ANO3: variants seen among roughly 807,000 people sequenced by gnomAD.
ANO3 encodes anoctamin 3.
A neutral mutation model predicts 144.8 loss-of-function variants in ANO3; 99 were observed. The observed-to-expected ratio is 0.68, with a 90% confidence interval of 0.58 to 0.81. The LOEUF (loss-of-function observed/expected upper bound fraction) is 0.81. Ranked by LOEUF, ANO3 falls within the 30% of genes least tolerant of loss-of-function variation. ANO3 has a pLI of 0.00. For synonymous variants in ANO3, 414 were observed against 392.6 expected, an observed-to-expected ratio of 1.05 and a Z score of -0.64; for missense variants, 905 against 1,202.2, an observed-to-expected ratio of 0.75 and a Z score of 3.66.
intron 17 of ANO3, among the ~76,000 whole-genome samples, chr11:26,612,959 G>T (rs1182837422): frequency 6.6e-6 from 1 of 152,100 alleles, no homozygotes; most frequent in African/African-American, 2.4e-5. Context: ...TGATTAACGA[G>T]TACTTTGAAG....
At chr11:26,232,832 A>G (rs904240921) in intron 1 of ANO3, among the ~76,000 whole-genome samples, 1 of 152,228 alleles carries the variant, frequency 6.6e-6, no homozygotes, top group Non-Finnish European at 1.5e-5. Context: ...AACTATCATC[A>G]GAGTGAACAG....
intron 7 of ANO3, among the ~76,000 whole-genome samples, chr11:26,530,945 C>G (rs896819825): frequency 6.6e-6 from 1 of 152,118 alleles, no homozygotes; most frequent in Admixed American, 6.6e-5. Context: ...TTTCTGAAAT[C>G]TTTTCCACAA....
chr11:26,615,910 G>T (rs376876280), intron 17 of ANO3, among the ~76,000 whole-genome samples: 1 of 151,936 alleles, frequency 6.6e-6, no homozygotes, highest in African/African-American at 2.4e-5. Context: ...TCTATTACCC[G>T]TTCATAAATA....
intron 14 of ANO3, among the ~76,000 whole-genome samples, chr11:26,571,196 C>A (rs111895233): frequency 6.6e-6 from 1 of 151,830 alleles, no homozygotes; most frequent in Non-Finnish European, 1.5e-5. Flanking sequence ...AAAGTTTCTC[C>A]GAAAGGAAAG....
At chr11:26,336,903 G>T (rs1590270829) in intron 1 of ANO3, among the ~76,000 whole-genome samples, 1 of 152,226 alleles carries the variant, frequency 6.6e-6, no homozygotes, top group East Asian at 1.9e-4. Context: ...AAAAATCACT[G>T]GGGGAGATAT....
intron 1 of ANO3, among the ~76,000 whole-genome samples, chr11:26,335,900 T>C (rs1855180410): frequency 6.6e-6 from 1 of 152,162 alleles, no homozygotes; most frequent in South Asian, 2.1e-4. Context: ...ACACAAATAG[T>C]TTTGAATTTT....
chr11:26,643,737 A>T (rs962524785), intron 23 of ANO3, among the ~76,000 whole-genome samples: 2 of 147,624 alleles, frequency 1.4e-5, no homozygotes, highest in Non-Finnish European at 3.0e-5. Context: ...AAAAAAAAAA[A>T]GAAGTGATTA....
chr11:26,629,624 T>G (rs1852707843), intron 18 of ANO3, among the ~76,000 whole-genome samples: 1 of 152,086 alleles, frequency 6.6e-6, no homozygotes, highest in Non-Finnish European at 1.5e-5. Context: ...ACTGTTGAAT[T>G]AAACCTGCTA....
intron 1 of ANO3, among the ~76,000 whole-genome samples, chr11:26,363,917 C>T (rs896775171): frequency 1.3e-5 from 2 of 151,988 alleles, no homozygotes; most frequent in Non-Finnish European, 2.9e-5. Context: ...AAAAGATTGT[C>T]TTTTCAAAGT....
chr11:26,443,816 A>T lies in ANO3; in HGVS notation c.293A>T (p.Asp98Val). ...TCTGTGCTGAGATGTTCATTTGCTG[A>T]CCTCAGCGATTTTTGTTTGGGTAAG... ...NDSVLRCSFA[D>V]LSDFCLALGK... The change falls in exon 3 of 27, where the codon GAC becomes GTC. Residue 98 changes from aspartate to valine, a missense_variant. This residue lies in a region of ANO3 where 174 missense variants were observed against 171.9 expected (regional missense o/e 1.01). Transcript: ENST00000256737. 6.2e-7 allele frequency: 1 copy of T among 1,611,920 alleles called. No homozygotes were observed.
chr11:26,650,523 C>T (rs1853498710), intron 24 of ANO3, among the ~76,000 whole-genome samples: 1 of 152,012 alleles, frequency 6.6e-6, no homozygotes, highest in South Asian at 2.1e-4. Context: ...CCTAGTGATC[C>T]AAAAATATTG....
intron 1 of ANO3, among the ~76,000 whole-genome samples, chr11:26,192,162 T>C (rs1851491235): frequency 6.6e-6 from 1 of 152,232 alleles, no homozygotes; most frequent in Non-Finnish European, 1.5e-5. Flanking sequence ...TCATTCAGGA[T>C]AGTAACAATA....
intron 12 of ANO3, among the ~76,000 whole-genome samples, chr11:26,552,314 C>A (rs769201629): frequency 1.5e-4 from 22 of 151,706 alleles, no homozygotes; most frequent in Non-Finnish European, 3.1e-4. Context: ...CACACGCATT[C>A]TTTTTTTTGG....
intron 1 of ANO3, among the ~76,000 whole-genome samples, chr11:26,313,698 A>G (rs1404463567): frequency 1.3e-5 from 2 of 151,994 alleles, no homozygotes; most frequent in African/African-American, 2.4e-5. Context: ...AAAAAAATAA[A>G]AAAAGAAAGA....
chr11:26,623,747 A>AG (rs1475655627), intron 17 of ANO3, among the ~76,000 whole-genome samples: 1 of 151,790 alleles, frequency 6.6e-6, no homozygotes, highest in Non-Finnish European at 1.5e-5. Context: ...GTAAAAAAAA[A>AG]CACAATTTTT....
chr11:26,384,072 A>T (rs7937067), intron 1 of ANO3, among the ~76,000 whole-genome samples: 143,526 of 151,208 alleles, frequency 0.95, 68,162 homozygotes, highest in East Asian at 1. Context: ...CTAATTTTTG[A>T]ATTTTTAGTA....
chr11:26,600,808 A>G (rs545898799), intron 17 of ANO3, among the ~76,000 whole-genome samples: 5 of 151,860 alleles, frequency 3.3e-5, no homozygotes, highest in Admixed American at 6.6e-5. Flanking sequence ...CTCTATGACC[A>G]TGTTCCTCAT....
At chr11:26,563,391 C>CTGTGTGTG (rs1324484561) in intron 14 of ANO3, 16 of 840,834 alleles carry the variant, frequency 1.9e-5, no homozygotes, top group South Asian at 8.9e-5. Flanking sequence ...GTGTGTTTCT[C>CTGTGTGTG]TCTCTGTGTG....
chr11:26,546,438 T>C (rs944755656), intron 11 of ANO3, among the ~76,000 whole-genome samples: 6 of 151,960 alleles, frequency 3.9e-5, no homozygotes, highest in African/African-American at 1.4e-4. Context: ...TAAGGAAATA[T>C]GACAAGAGAA....
Sources: allele counts gnomAD v4.1 joint callset (sites outside exome capture counted in the v4.1 genomes callset), GRCh38; gene constraint gnomAD v4.1.1; regional missense constraint gnomAD v4.1.1; transcripts MANE v1.5; gene names NCBI Gene and HGNC (gene_info 2026-07-23, HGNC 2026-07-21).